DOCK11: variants seen among roughly 807,000 people sequenced by gnomAD.
The protein encoded by DOCK11 is dedicator of cytokinesis protein 11.
Under a neutral mutation model 169.1 loss-of-function variants are expected in DOCK11, and 70 were observed. The observed-to-expected ratio is 0.41, with a 90% CI of 0.34 to 0.51. The LOEUF (loss-of-function observed/expected upper bound fraction) is 0.51, where lower values mean the gene tolerates loss of function less well. Ranked by LOEUF, DOCK11 falls within the 20% of genes least tolerant of loss-of-function variation. The probability of loss-of-function intolerance (pLI) is 0.10; values close to 1 mark genes in which losing one functional copy is unlikely to be tolerated. For missense variants in DOCK11, 1,166 were observed against 1,538.8 expected (o/e 0.76, Z 4.05); for synonymous variants, 529 against 541.3 (o/e 0.98, Z 0.32).
At chrX:118,658,060 G>C (rs879013770) in intron 44 of DOCK11, among the ~76,000 whole-genome samples, 1 of 111,686 alleles carries the variant, frequency 9.0e-6, no homozygotes, top group Non-Finnish European at 1.9e-5. Context: ...GCAGTTGACA[G>C]AGTAAATGAA....
At chrX:118,579,266 G>C (rs1603084483) in intron 13 of DOCK11, among the ~76,000 whole-genome samples, 1 of 111,730 alleles carries the variant, frequency 9.0e-6, no homozygotes, top group East Asian at 2.8e-4. Context: ...TTGTCATCCA[G>C]ATTTCTAGAA....
intron 30 of DOCK11, 70 bp downstream of exon 30, chrX:118,615,781 A>T: frequency 1.2e-6 from 1 of 831,665 alleles, no homozygotes; most frequent in Non-Finnish European, 1.7e-6. Context: ...GTGTAGTATA[A>T]TGTTTTCTAG....
intron 1 of DOCK11, among the ~76,000 whole-genome samples, chrX:118,507,313 A>G (rs957278947): frequency 2.7e-5 from 3 of 111,260 alleles, no homozygotes; most frequent in African/African-American, 9.8e-5. Context: ...GAACATCTTT[A>G]TTTGAAGTGT....
intron 1 of DOCK11, among the ~76,000 whole-genome samples, chrX:118,529,058 A>G (rs2147328746): frequency 9.4e-6 from 1 of 106,525 alleles, no homozygotes; most frequent in South Asian, 4.2e-4. Flanking sequence ...ATCTCGGCTC[A>G]CTGCAACCTC....
chrX:118,637,602 A>G (rs2015423646), intron 36 of DOCK11, among the ~76,000 whole-genome samples: 1 of 110,881 alleles, frequency 9.0e-6, no homozygotes, highest in South Asian at 3.8e-4. Context: ...TCTACAAAAA[A>G]TAAAACATTA....
chrX:118,541,491 T>G (rs1156433426), intron 1 of DOCK11, among the ~76,000 whole-genome samples: 1 of 111,788 alleles, frequency 8.9e-6, no homozygotes, highest in Non-Finnish European at 1.9e-5. Flanking sequence ...TGTGCAGAAG[T>G]GGGTGCCGTC....
intron 1 of DOCK11, among the ~76,000 whole-genome samples, chrX:118,519,483 GAGGTTGC>G (rs2057709826): frequency 1.8e-5 from 2 of 112,047 alleles, no homozygotes; most frequent in South Asian, 7.4e-4. Flanking sequence ...CTGGGAGGTG[GAGGTTGC>G]AGTGAACCAC....
chrX:118,544,293 T>C (rs2012154735), intron 4 of DOCK11, among the ~76,000 whole-genome samples: 1 of 111,729 alleles, frequency 9.0e-6, no homozygotes, highest in Non-Finnish European at 1.9e-5. Flanking sequence ...ATGAGCACAC[T>C]GGCCCAGGAG....
chrX:118,588,869 G>A (rs1183717830), intron 18 of DOCK11, among the ~76,000 whole-genome samples: 1 of 112,368 alleles, frequency 8.9e-6, no homozygotes, highest in East Asian at 2.8e-4. Flanking sequence ...GCTTTGATCT[G>A]AGATACGACT....
chrX:118,539,501 G>T (rs2011882517), intron 1 of DOCK11, among the ~76,000 whole-genome samples: 1 of 110,896 alleles, frequency 9.0e-6, no homozygotes. Context: ...AATAAGTTTG[G>T]TTTTTTTGAG....
chrX:118,643,813 C>T (rs944183950), intron 40 of DOCK11, among the ~76,000 whole-genome samples: 13 of 111,911 alleles, frequency 1.2e-4, no homozygotes, highest in African/African-American at 4.2e-4. Flanking sequence ...CCCATCATAC[C>T]TTCCCTTTTC....
chrX:118,543,182 G>A (rs1047087600), intron 3 of DOCK11, among the ~76,000 whole-genome samples, 167 bp downstream of exon 3: 23 of 112,108 alleles, frequency 2.1e-4, no homozygotes, highest in African/African-American at 7.4e-4. Flanking sequence ...AACATTAACT[G>A]TCCTAAATAA....
chrX:118,630,529 A>G, intron 35 of DOCK11, 39 bp downstream of exon 35: 1 of 882,949 alleles, frequency 1.1e-6, no homozygotes. Context: ...TGTACTAGAC[A>G]TACACCCTCA....
chrX:118,579,213 T>G (rs1376954472), intron 13 of DOCK11, among the ~76,000 whole-genome samples: 2 of 112,364 alleles, frequency 1.8e-5, no homozygotes, highest in Non-Finnish European at 3.8e-5. Flanking sequence ...AAATTATTGT[T>G]GAGTGTCCTT....
intron 35 of DOCK11, chrX:118,632,859 G>T (rs1401418631): frequency 9.3e-6 from 1 of 107,772 alleles, no homozygotes; most frequent in African/African-American, 3.4e-5. Flanking sequence ...GTGAGAAAAG[G>T]AATAAGAGTC....
chrX:118,502,774 A>G (rs1437888357), intron 1 of DOCK11, among the ~76,000 whole-genome samples: 1 of 106,935 alleles, frequency 9.4e-6, no homozygotes, highest in Non-Finnish European at 2.0e-5. Context: ...CAAAACAAAC[A>G]AACAAACAAA....
chrX:118,684,016 T>A (rs1205217501), intron 52 of DOCK11, among the ~76,000 whole-genome samples: 2 of 112,005 alleles, frequency 1.8e-5, no homozygotes, highest in Non-Finnish European at 3.8e-5. Context: ...ATGTTGACTT[T>A]GTAGTGAATT....
chrX:118,547,439 C>T (rs1271730221), intron 6 of DOCK11, among the ~76,000 whole-genome samples: 1 of 111,774 alleles, frequency 8.9e-6, no homozygotes. Context: ...ATATCGCTTG[C>T]ACCTAAGCAT....
chrX:118,632,185 C>T (rs981292280), intron 35 of DOCK11, among the ~76,000 whole-genome samples: 7 of 111,240 alleles, frequency 6.3e-5, no homozygotes. Flanking sequence ...GATCTCCTGA[C>T]CTCGTGATCC....
Sources: allele counts gnomAD v4.1 joint callset (sites outside exome capture counted in the v4.1 genomes callset), GRCh38; gene constraint gnomAD v4.1.1; transcripts MANE v1.5; gene names NCBI Gene and HGNC (gene_info 2026-07-23, HGNC 2026-07-21).